Variants in JAZF1 observed in about 807,000 individuals in gnomAD.
The protein encoded by JAZF1 is juxtaposed with another zinc finger protein 1.
JAZF1 carries 8 observed loss-of-function variants against 26.4 expected under a neutral mutation model. That is an observed-to-expected ratio of 0.30 (90% confidence interval 0.18 to 0.55). The LOEUF (loss-of-function observed/expected upper bound fraction) is 0.55. JAZF1 is among the 20% of genes least tolerant of loss of function. The pLI, the probability that JAZF1 is intolerant of heterozygous loss-of-function variation, is 0.94. For missense variants in JAZF1, 199 were observed against 322.0 expected (o/e 0.62, Z 2.92); for synonymous variants, 126 against 122.3 (o/e 1.03, Z -0.20).
intron 2 of JAZF1, among the ~76,000 whole-genome samples, chr7:27,947,620 C>G (rs972066302): frequency 6.6e-6 from 1 of 152,160 alleles, no homozygotes; most frequent in African/African-American, 2.4e-5. Context: ...GTAAACCAAC[C>G]AAACAAAAAA....
chr7:28,043,610 C>T (rs979920744), intron 1 of JAZF1, among the ~76,000 whole-genome samples: 9 of 152,110 alleles, frequency 5.9e-5, no homozygotes, highest in African/African-American at 2.2e-4. Flanking sequence ...CGTAGAATTA[C>T]CATATGACGG....
intron 3 of JAZF1, among the ~76,000 whole-genome samples, chr7:27,893,498 C>G (rs897419100): frequency 1.3e-5 from 2 of 152,190 alleles, no homozygotes; most frequent in African/African-American, 4.8e-5. Flanking sequence ...TGGGGACCTG[C>G]CAGGCTGTCC....
At chr7:28,112,980 C>A (rs1289069317) in intron 1 of JAZF1, among the ~76,000 whole-genome samples, 1 of 152,118 alleles carries the variant, frequency 6.6e-6, no homozygotes, top group East Asian at 1.9e-4. Context: ...TGAACCAGGT[C>A]AAGCTCAGGA....
intron 3 of JAZF1, among the ~76,000 whole-genome samples, chr7:27,872,456 G>C (rs1362204369): frequency 2.6e-5 from 4 of 152,142 alleles, no homozygotes; most frequent in African/African-American, 9.7e-5. Context: ...GTGCCAGCTG[G>C]AATCCTTCCC....
chr7:28,041,323 A>C (rs1246975495), intron 1 of JAZF1, among the ~76,000 whole-genome samples: 1 of 152,132 alleles, frequency 6.6e-6, no homozygotes. Flanking sequence ...AGATTGCCCA[A>C]ATGATTATAC....
At chr7:27,936,835 C>T (rs1372897989) in intron 2 of JAZF1, among the ~76,000 whole-genome samples, 1 of 152,224 alleles carries the variant, frequency 6.6e-6, no homozygotes. Context: ...TTATTATCCC[C>T]TCCAGAATGA....
At chr7:27,897,454 G>T (rs986261515) in intron 2 of JAZF1, among the ~76,000 whole-genome samples, 1 of 152,188 alleles carries the variant, frequency 6.6e-6, no homozygotes, top group African/African-American at 2.4e-5. Flanking sequence ...AGGAATTAAC[G>T]TACGTCTTTT....
chr7:27,839,395 A>G (rs576686698), intron 4 of JAZF1, among the ~76,000 whole-genome samples: 6 of 152,194 alleles, frequency 3.9e-5, no homozygotes, highest in Admixed American at 2.6e-4. Context: ...AAAGAAGGAA[A>G]AAGTCTCTTT....
At chr7:27,963,085 T>C (rs1412512931) in intron 2 of JAZF1, among the ~76,000 whole-genome samples, 1 of 152,222 alleles carries the variant, frequency 6.6e-6, no homozygotes, top group African/African-American at 2.4e-5. Context: ...CAGATTGTGC[T>C]GCAAAGTTTA....
At chr7:27,926,921 C>T (rs543212526) in intron 2 of JAZF1, among the ~76,000 whole-genome samples, 6 of 152,294 alleles carry the variant, frequency 3.9e-5, no homozygotes, top group African/African-American at 1.4e-4. Flanking sequence ...ACAACAGCAG[C>T]CTGGCCCTCT....
At chr7:28,039,291 C>T (rs879586862) in intron 1 of JAZF1, among the ~76,000 whole-genome samples, 2 of 152,052 alleles carry the variant, frequency 1.3e-5, no homozygotes, top group Non-Finnish European at 2.9e-5. Flanking sequence ...ACACACACCC[C>T]TTATTATTTC....
At chr7:27,881,859 G>C (rs1405030468) in intron 3 of JAZF1, among the ~76,000 whole-genome samples, 1 of 152,168 alleles carries the variant, frequency 6.6e-6, no homozygotes, top group African/African-American at 2.4e-5. Flanking sequence ...TAACTATACA[G>C]TGACACAGCT....
At chr7:28,072,809 A>G (rs1783996910) in intron 1 of JAZF1, among the ~76,000 whole-genome samples, 1 of 152,220 alleles carries the variant, frequency 6.6e-6, no homozygotes, top group African/African-American at 2.4e-5. Context: ...AGTCATGTGC[A>G]TGTATTTTTA....
At chr7:28,085,015 A>G (rs1410463322) in intron 1 of JAZF1, among the ~76,000 whole-genome samples, 1 of 152,210 alleles carries the variant, frequency 6.6e-6, no homozygotes, top group Non-Finnish European at 1.5e-5. Context: ...ACTTGGAGGA[A>G]GGCCTCACGA....
At chr7:27,963,382 C>A (rs1049723670) in intron 2 of JAZF1, among the ~76,000 whole-genome samples, 1 of 152,164 alleles carries the variant, frequency 6.6e-6, no homozygotes, top group African/African-American at 2.4e-5. Flanking sequence ...AAAAACTACT[C>A]TTTTATTTCA....
intron 3 of JAZF1, among the ~76,000 whole-genome samples, chr7:27,884,720 G>C (rs1159128988): frequency 6.6e-6 from 1 of 152,184 alleles, no homozygotes; most frequent in Non-Finnish European, 1.5e-5. Flanking sequence ...ATACTCCACT[G>C]TCTGGATATA....
chr7:28,037,689 T>C (rs938332953), intron 1 of JAZF1, among the ~76,000 whole-genome samples: 2 of 152,216 alleles, frequency 1.3e-5, no homozygotes, highest in Admixed American at 6.5e-5. Context: ...TGAACACACT[T>C]GGTCAAAATG....
intron 2 of JAZF1, among the ~76,000 whole-genome samples, chr7:27,939,398 G>C (rs1784809237): frequency 6.6e-6 from 1 of 152,206 alleles, no homozygotes; most frequent in Admixed American, 6.5e-5. Flanking sequence ...GGACAGGAGG[G>C]AGGCCTTGCT....
chr7:28,119,645 C>T (rs1784805667), intron 1 of JAZF1, among the ~76,000 whole-genome samples: 1 of 152,244 alleles, frequency 6.6e-6, no homozygotes, highest in Non-Finnish European at 1.5e-5. Flanking sequence ...TGCCATGGAC[C>T]TTTCCTAAAT....
Sources: allele counts gnomAD v4.1 joint callset (sites outside exome capture counted in the v4.1 genomes callset), GRCh38; gene constraint gnomAD v4.1.1; transcripts MANE v1.5; gene names NCBI Gene and HGNC (gene_info 2026-07-23, HGNC 2026-07-21).